GATAD2B: variants seen among roughly 807,000 people sequenced by gnomAD.
GATAD2B encodes the protein GATA zinc finger domain containing 2B, also known as transcriptional repressor p66-beta.
Under a neutral mutation model 64.3 loss-of-function variants are expected in GATAD2B, and 8 were observed. That is an observed-to-expected ratio of 0.12 (90% CI 0.07 to 0.22). GATAD2B has a LOEUF of 0.22. GATAD2B is among the 10% of genes least tolerant of loss of function. The pLI is 1.00. For missense variants in GATAD2B, 453 were observed against 752.0 expected (o/e 0.60, Z 4.65); for synonymous variants, 281 against 271.3 (o/e 1.04, Z -0.35).
intron 1 of GATAD2B, among the ~76,000 whole-genome samples, chr1:153,838,138 G>C (rs1444266253): frequency 6.6e-6 from 1 of 152,188 alleles, no homozygotes; most frequent in Admixed American, 6.6e-5. Context: ...CACAGGTCTA[G>C]CTCATTTCCA....
chr1:153,894,083 G>A (rs999841673), intron 1 of GATAD2B, among the ~76,000 whole-genome samples: 1 of 151,140 alleles, frequency 6.6e-6, no homozygotes, highest in Admixed American at 6.6e-5. Flanking sequence ...CAAGTCTCAA[G>A]CTTGTAGTTG....
chr1:153,913,074 G>A (rs1678154290), intron 1 of GATAD2B, among the ~76,000 whole-genome samples: 1 of 151,892 alleles, frequency 6.6e-6, no homozygotes, highest in Non-Finnish European at 1.5e-5. Context: ...GGCAACAAGA[G>A]TGAGACTCCG....
chr1:153,887,407 T>C (rs968215191), intron 1 of GATAD2B, among the ~76,000 whole-genome samples: 1 of 152,216 alleles, frequency 6.6e-6, no homozygotes. Context: ...GACTGATTGA[T>C]TGACAAGTGA....
chr1:153,886,850 C>A (rs1677201568), intron 1 of GATAD2B, among the ~76,000 whole-genome samples: 1 of 152,006 alleles, frequency 6.6e-6, no homozygotes, highest in African/African-American at 2.4e-5. Context: ...TGAGCCACTG[C>A]GTCTGGCCGA....
chr1:153,871,006 C>G (rs1172132142), intron 1 of GATAD2B, among the ~76,000 whole-genome samples: 1 of 151,794 alleles, frequency 6.6e-6, no homozygotes, highest in Non-Finnish European at 1.5e-5. Context: ...TCTGCCTCCC[C>G]TCTTGCCTCA....
intron 4 of GATAD2B, among the ~76,000 whole-genome samples, chr1:153,818,508 G>T (rs991217401): frequency 6.6e-6 from 1 of 151,938 alleles, no homozygotes; most frequent in East Asian, 1.9e-4. Context: ...TAGAGATGGG[G>T]TTTCACCATG....
At position 153,898,324 on chromosome 1, in the gene GATAD2B, GA is replaced by G. The variant is rs1341747171; in HGVS notation, c.-2+24408del. 3.5e-3 allele frequency among the ~76,000 whole-genome samples: 430 copies of G among 121,338 alleles called. 2 individuals are homozygous for G. Among genetic ancestry groups the G allele is most frequent in the African/African-American group, 0.013 (396 of 29,698 alleles). 79.6% of individuals were successfully genotyped at this position (121,338 alleles called of 152,430 possible). A position where few individuals can be genotyped will look rare whatever the true frequency, so the allele number is the denominator to read the frequency against. On this transcript the variant is annotated intron_variant, in intron 1 of 10. Coordinates refer to ENST00000368655, the MANE Select transcript of GATAD2B (RefSeq NM_020699.4). Reference sequence around the variant, plus strand: ...CCTGTCTCAAAAAAAAAAAAAAAAAGAAAAAAAGAAAAAAGAAAAACAAAAA... The same window carrying G: ...CCTGTCTCAAAAAAAAAAAAAAAAAGAAAAAAGAAAAAAGAAAAACAAAAA...
At chr1:153,909,534 G>A (rs767529077) in intron 1 of GATAD2B, among the ~76,000 whole-genome samples, 1 of 151,682 alleles carries the variant, frequency 6.6e-6, no homozygotes, top group Non-Finnish European at 1.5e-5. Flanking sequence ...AGGCACGATG[G>A]CTCATGCCTG....
intron 1 of GATAD2B, among the ~76,000 whole-genome samples, chr1:153,876,773 C>G (rs184972746): frequency 6.6e-6 from 1 of 152,280 alleles, no homozygotes; most frequent in East Asian, 1.9e-4. Context: ...GAGGCCAAGG[C>G]GGGCAGATCA....
At chr1:153,893,237 TCTGA>T (rs1303472286) in intron 1 of GATAD2B, among the ~76,000 whole-genome samples, 1 of 152,160 alleles carries the variant, frequency 6.6e-6, no homozygotes, top group African/African-American at 2.4e-5. Context: ...TTGTCAAAAT[TCTGA>T]CTGTTGTTAC....
chr1:153,810,613 GC>G (rs1674262250), intron 10 of GATAD2B, among the ~76,000 whole-genome samples: 1 of 150,770 alleles, frequency 6.6e-6, no homozygotes. Context: ...TGCCACTACT[GC>G]CCGGCTATTT....
At chr1:153,853,391 G>C (rs1675974448) in intron 1 of GATAD2B, 2 of 676,806 alleles carry the variant, frequency 3.0e-6, no homozygotes, top group African/African-American at 1.8e-5. Context: ...CTCAGTTGTG[G>C]ATCAACTGCA....
intron 1 of GATAD2B, among the ~76,000 whole-genome samples, chr1:153,891,734 T>C (rs1448412805): frequency 6.6e-6 from 1 of 151,670 alleles, no homozygotes; most frequent in African/African-American, 2.4e-5. Flanking sequence ...CCTTTTTTAC[T>C]GTAAACTTTT....
intron 6 of GATAD2B, among the ~76,000 whole-genome samples, chr1:153,817,077 A>G (rs899909698): frequency 6.6e-5 from 10 of 152,044 alleles, no homozygotes; most frequent in African/African-American, 2.4e-4. Flanking sequence ...CAGAAATAAG[A>G]TTTTGCTTTC....
intron 1 of GATAD2B, among the ~76,000 whole-genome samples, chr1:153,904,467 CAAG>C (rs1185130962): frequency 3.9e-5 from 6 of 152,002 alleles, no homozygotes; most frequent in Non-Finnish European, 5.9e-5. Flanking sequence ...AACTTTAAAA[CAAG>C]AAGAAAGTGC....
chr1:153,898,356 AG>A (rs1677667761), intron 1 of GATAD2B, among the ~76,000 whole-genome samples: 1 of 151,740 alleles, frequency 6.6e-6, no homozygotes, highest in South Asian at 2.1e-4. Flanking sequence ...AAAAACAAAA[AG>A]AAAAGAAAAA....
chr1:153,866,621 AC>A (rs1676484446), intron 1 of GATAD2B, among the ~76,000 whole-genome samples: 1 of 152,144 alleles, frequency 6.6e-6, no homozygotes, highest in Admixed American at 6.6e-5. Context: ...CAAGGATATA[AC>A]CTCTCCATTT....
rs115500672 is a variant in GATAD2B at position 153,882,828 on chromosome 1, G to A, written c.-2+39905C>T. ...TTAACTTTCCCTTTCCTGTTTTAGA[G>A]CAACTTGTTCCAATCATTTTATAAG... is the stretch of plus-strand genomic sequence containing the variant. On this transcript the variant is annotated intron_variant, in intron 1 of 10. Transcript: ENST00000368655. Among the ~76,000 whole-genome samples the A allele has an allele frequency of 8.4e-3, 1,272 of 152,180 alleles. 19 individuals are homozygous for A. The highest frequency in any genetic ancestry group is 0.03 in the African/African-American group (1,232 of 41,498).
intron 1 of GATAD2B, among the ~76,000 whole-genome samples, chr1:153,893,864 G>A (rs547175547): frequency 4.0e-5 from 6 of 148,636 alleles, no homozygotes; most frequent in Non-Finnish European, 7.4e-5. Context: ...AGGCTGAGAC[G>A]GGAGAATCGC....
Sources: gnomAD v4.1 joint callset for allele counts (sites outside exome capture counted in the v4.1 genomes callset) on GRCh38, gnomAD v4.1.1 for gene constraint, MANE v1.5 for transcripts, NCBI Gene and HGNC (gene_info 2026-07-23, HGNC 2026-07-21) for gene names.